Variants in IL1RAPL2 observed in about 807,000 individuals in gnomAD.
IL1RAPL2 encodes interleukin 1 receptor accessory protein like 2.
A neutral mutation model predicts 44.1 loss-of-function variants in IL1RAPL2; 3 were observed. The observed-to-expected ratio is 0.07, with a 90% CI of 0.03 to 0.18. The LOEUF (loss-of-function observed/expected upper bound fraction) is 0.18. Among genes scored for constraint, IL1RAPL2 ranks in the 10% least tolerant of loss-of-function variants. The probability of loss-of-function intolerance (pLI) is 1.00; values close to 1 mark genes in which losing one functional copy is unlikely to be tolerated. For synonymous variants in IL1RAPL2, 181 were observed against 178.8 expected (o/e 1.01, Z -0.10); for missense variants, 391 against 496.4 (o/e 0.79, Z 2.02).
chrX:104,778,126 T>C (rs1932749352), intron 2 of IL1RAPL2, among the ~76,000 whole-genome samples: 1 of 111,119 alleles, frequency 9.0e-6, no homozygotes, highest in African/African-American at 3.3e-5. Context: ...ATGTGCATTT[T>C]GGCCATTTGT....
intron 2 of IL1RAPL2, among the ~76,000 whole-genome samples, chrX:104,980,282 A>C (rs1398316403): frequency 1.8e-5 from 2 of 112,140 alleles, no homozygotes; most frequent in African/African-American, 3.2e-5. Flanking sequence ...GCATGTATGC[A>C]TATACGTGTG....
chrX:104,752,483 T>C (rs1932276988), intron 2 of IL1RAPL2, among the ~76,000 whole-genome samples: 1 of 111,026 alleles, frequency 9.0e-6, no homozygotes, highest in African/African-American at 3.3e-5. Context: ...ATGGCTATAA[T>C]TTAGTTTCCT....
intron 3 of IL1RAPL2, among the ~76,000 whole-genome samples, chrX:105,226,811 A>C (rs1348575201): frequency 9.1e-6 from 1 of 110,320 alleles, no homozygotes; most frequent in Non-Finnish European, 1.9e-5. Context: ...ACCCATGCAA[A>C]GATCCATAGA....
intron 5 of IL1RAPL2, among the ~76,000 whole-genome samples, chrX:105,346,022 G>A (rs944558944): frequency 3.6e-5 from 4 of 111,009 alleles, no homozygotes; most frequent in East Asian, 2.8e-4. Flanking sequence ...TAATATCTGC[G>A]ACATCACTCA....
intron 2 of IL1RAPL2, among the ~76,000 whole-genome samples, chrX:104,797,930 C>T (rs764150036): frequency 6.3e-5 from 7 of 111,916 alleles, no homozygotes; most frequent in Middle Eastern, 4.6e-3. Flanking sequence ...CTGTGCTAAG[C>T]GCTTTCTCTT....
chrX:104,899,555 T>A lies in IL1RAPL2; in HGVS notation c.82+240560T>A, dbSNP rs1393869298. On this transcript the variant is annotated intron_variant, in intron 2 of 10. Coordinates refer to ENST00000372582, the MANE Select transcript of IL1RAPL2 (RefSeq NM_017416.2). ...CTGACCTAACATTTCAGATACCAAC[T>A]GGGAATCTGTAGGTGATGTGTGCAA... is the stretch of plus-strand genomic sequence containing the variant. Among the ~76,000 whole-genome samples the A allele has an allele frequency of 4.5e-5, 5 of 111,797 alleles. No individual in the cohort carries two copies. In the East Asian group the frequency reaches 1.4e-3, roughly 32 times the overall value.
intron 1 of IL1RAPL2, among the ~76,000 whole-genome samples, chrX:104,614,055 G>C (rs1341533801): frequency 1.8e-5 from 2 of 110,447 alleles, no homozygotes; most frequent in Non-Finnish European, 3.8e-5. Flanking sequence ...TGTTGTTTCT[G>C]ATTTTGCTTA....
At chrX:105,114,207 A>G (rs1187607578) in intron 2 of IL1RAPL2, among the ~76,000 whole-genome samples, 1 of 111,764 alleles carries the variant, frequency 8.9e-6, no homozygotes, top group African/African-American at 3.3e-5. Context: ...CTCTTCCGCC[A>G]TGTGAGGTTA....
intron 6 of IL1RAPL2, among the ~76,000 whole-genome samples, chrX:105,606,788 C>G (rs1471824633): frequency 9.0e-6 from 1 of 110,893 alleles, no homozygotes; most frequent in African/African-American, 3.3e-5. Flanking sequence ...GTGAAATAAG[C>G]CAGGCACAGA....
chrX:104,937,525 A>G (rs1354225697), intron 2 of IL1RAPL2, among the ~76,000 whole-genome samples: 1 of 112,287 alleles, frequency 8.9e-6, no homozygotes, highest in Non-Finnish European at 1.9e-5. Flanking sequence ...TCCATTGGCA[A>G]GAATTGTTTA....
At chrX:104,674,165 C>A (rs903238201) in intron 2 of IL1RAPL2, among the ~76,000 whole-genome samples, 1 of 112,023 alleles carries the variant, frequency 8.9e-6, no homozygotes, top group Admixed American at 9.5e-5. Flanking sequence ...GAGGGCATCC[C>A]TGTCTTGTGC....
chrX:104,604,490 C>T (rs1002730988), intron 1 of IL1RAPL2, among the ~76,000 whole-genome samples: 1 of 110,330 alleles, frequency 9.1e-6, no homozygotes, highest in African/African-American at 3.3e-5. Context: ...CTAAGTGCTC[C>T]AGTTAAAAGA....
intron 5 of IL1RAPL2, among the ~76,000 whole-genome samples, chrX:105,463,122 A>G (rs943998131): frequency 9.0e-6 from 1 of 111,691 alleles, no homozygotes; most frequent in African/African-American, 3.2e-5. Context: ...AAGTTTCACT[A>G]GTTTTTTTCT....
At chrX:105,333,776 T>C (rs2035006579) in intron 5 of IL1RAPL2, among the ~76,000 whole-genome samples, 1 of 112,002 alleles carries the variant, frequency 8.9e-6, no homozygotes, top group Non-Finnish European at 1.9e-5. Context: ...CTCAACATCA[T>C]TGATCAACAG....
At chrX:104,955,973 G>T (rs925021840) in intron 2 of IL1RAPL2, among the ~76,000 whole-genome samples, 4 of 112,212 alleles carry the variant, frequency 3.6e-5, no homozygotes, top group African/African-American at 1.3e-4. Flanking sequence ...ATCCAATGTT[G>T]CTTTCTGGGG....
chrX:104,802,165 T>C (rs927529529), intron 2 of IL1RAPL2, among the ~76,000 whole-genome samples: 1 of 109,767 alleles, frequency 9.1e-6, no homozygotes, highest in Non-Finnish European at 1.9e-5. Context: ...GCCAACTTGG[T>C]GAAACCCTGT....
At chrX:105,389,914 C>G (rs907051899) in intron 5 of IL1RAPL2, among the ~76,000 whole-genome samples, 2 of 110,825 alleles carry the variant, frequency 1.8e-5, no homozygotes, top group African/African-American at 6.6e-5. Context: ...CACCACTTCT[C>G]CCAACCCTGT....
chrX:105,469,792 G>GT (rs2036153773), intron 5 of IL1RAPL2, among the ~76,000 whole-genome samples: 1 of 110,886 alleles, frequency 9.0e-6, no homozygotes, highest in Non-Finnish European at 1.9e-5. Context: ...TAATGCCTCA[G>GT]TTTTTTCCTA....
chrX:105,437,407 T>C (rs1480843853), intron 5 of IL1RAPL2, among the ~76,000 whole-genome samples: 1 of 110,652 alleles, frequency 9.0e-6, no homozygotes, highest in Admixed American at 9.7e-5. Context: ...TAATAAAGAG[T>C]TTCAAAATAA....
Sources: allele counts gnomAD v4.1 joint callset (sites outside exome capture counted in the v4.1 genomes callset), GRCh38; gene constraint gnomAD v4.1.1; transcripts MANE v1.5; gene names NCBI Gene and HGNC (gene_info 2026-07-23, HGNC 2026-07-21).